The following TRPC4 variants were observed in gnomAD, a reference collection of about 807,000 sequenced individuals.
TRPC4 encodes the protein short transient receptor potential channel 4.
In TRPC4, 49 loss-of-function variants were observed where a neutral mutation model predicts 99.4. That is an observed-to-expected ratio of 0.49 (90% CI 0.39 to 0.63). The LOEUF is 0.63. Ranked by LOEUF, TRPC4 falls within the 20% of genes least tolerant of loss-of-function variation. The pLI is 0.00. For missense variants in TRPC4, 898 were observed against 1,152.9 expected, an observed-to-expected ratio of 0.78 and a Z score of 3.20; for synonymous variants, 454 against 425.9, an observed-to-expected ratio of 1.07 and a Z score of -0.81.
chr13:37,725,640 TA>T (rs1346451465), intron 3 of TRPC4, among the ~76,000 whole-genome samples: 1 of 152,040 alleles, frequency 6.6e-6, no homozygotes, highest in African/African-American at 2.4e-5. Context: ...GGAGCTGAAA[TA>T]AAAAACTCAA....
At chr13:37,817,678 C>T (rs528492753) in intron 1 of TRPC4, among the ~76,000 whole-genome samples, 97 of 151,626 alleles carry the variant, frequency 6.4e-4, no homozygotes, top group Non-Finnish European at 1.1e-3. Context: ...AGTACTGCTA[C>T]AAAAGCAGAC....
chr13:37,827,926 T>G (rs1332838838), intron 1 of TRPC4, among the ~76,000 whole-genome samples: 2 of 152,298 alleles, frequency 1.3e-5, no homozygotes, highest in Middle Eastern at 3.4e-3. Context: ...TCAGCGAGAC[T>G]CCATGGGCGT....
intron 3 of TRPC4, among the ~76,000 whole-genome samples, chr13:37,742,335 G>T (rs1177794197): frequency 6.6e-6 from 1 of 152,066 alleles, no homozygotes; most frequent in African/African-American, 2.4e-5. Flanking sequence ...CCCAAATAGT[G>T]CAATTTATTC....
At chr13:37,837,814 G>C (rs1328790733) in intron 1 of TRPC4, among the ~76,000 whole-genome samples, 1 of 152,128 alleles carries the variant, frequency 6.6e-6, no homozygotes, top group Non-Finnish European at 1.5e-5. Context: ...AGCCAGGGGT[G>C]GCATGATATG....
intron 1 of TRPC4, among the ~76,000 whole-genome samples, chr13:37,809,655 T>C (rs17206858): frequency 1.7e-3 from 255 of 152,120 alleles, no homozygotes; most frequent in Non-Finnish European, 3.0e-3. Context: ...AGAACCTCAT[T>C]AAAAGATTAA....
Position 37,716,432 on chromosome 13 carries a change from A to G in TRPC4, c.898-24097T>C, listed in dbSNP as rs183218005. Reference sequence around the variant, plus strand: ...ATTTCATACCAACTGTTCATTAGCAAAGGTTTCTTTACCATACATTTGCCA... The same window carrying G: ...ATTTCATACCAACTGTTCATTAGCAGAGGTTTCTTTACCATACATTTGCCA... On this transcript the variant is annotated intron_variant, in intron 3 of 10. Coordinates refer to ENST00000379705, the MANE Select transcript of TRPC4 (RefSeq NM_016179.4). Among the ~76,000 whole-genome samples the G allele has an allele frequency of 4.9e-4, 74 of 152,294 alleles. 1 individual carries two copies. The highest frequency in any genetic ancestry group is 4.0e-3 in the Admixed American group (61 of 15,286).
intron 3 of TRPC4, among the ~76,000 whole-genome samples, chr13:37,741,482 T>C (rs1313595130): frequency 6.6e-6 from 1 of 152,180 alleles, no homozygotes; most frequent in East Asian, 1.9e-4. Context: ...ATTTAGATGA[T>C]TGGCATCGGG....
At chr13:37,832,466 G>A (rs958823169) in intron 1 of TRPC4, among the ~76,000 whole-genome samples, 1 of 152,098 alleles carries the variant, frequency 6.6e-6, no homozygotes, top group African/African-American at 2.4e-5. Flanking sequence ...TTGAACCCGG[G>A]AGACAGAGGT....
intron 3 of TRPC4, among the ~76,000 whole-genome samples, chr13:37,745,516 A>ACG (rs1955742547): frequency 8.6e-6 from 1 of 116,744 alleles, no homozygotes. Context: ...ATGTATATAT[A>ACG]TACGTATATA....
At chr13:37,731,889 T>C (rs907993350) in intron 3 of TRPC4, among the ~76,000 whole-genome samples, 5 of 152,110 alleles carry the variant, frequency 3.3e-5, no homozygotes, top group South Asian at 4.1e-4. Flanking sequence ...TTTACCTTCA[T>C]TGTATGCATA....
intron 1 of TRPC4, among the ~76,000 whole-genome samples, chr13:37,800,143 A>G (rs1369689804): frequency 6.6e-6 from 1 of 152,206 alleles, no homozygotes; most frequent in Non-Finnish European, 1.5e-5. Context: ...ATGAATGTAA[A>G]CTGGCACATA....
chr13:37,819,935 A>T (rs891600721), intron 1 of TRPC4, among the ~76,000 whole-genome samples: 5 of 152,026 alleles, frequency 3.3e-5, no homozygotes, highest in Non-Finnish European at 5.9e-5. Flanking sequence ...AAGGCAATAA[A>T]CAACCAAAAT....
In TRPC4 at chr13:37,759,805, C is replaced by T. The variant is rs76874431; in HGVS notation, c.379-13350G>A. On this transcript the variant is annotated intron_variant, in intron 2 of 10. Coordinates refer to ENST00000379705, the MANE Select transcript of TRPC4 (RefSeq NM_016179.4). ...GAGTATGCAGTATTTATACAAATTT[C>T]GAGAAGTCTTACCTCAGGAAATGCT... is the stretch of plus-strand genomic sequence containing the variant. 6.2e-3 allele frequency among the ~76,000 whole-genome samples: 938 copies of T among 151,908 alleles called. 9 individuals are homozygous for T. The highest frequency in any genetic ancestry group is 0.022 in the African/African-American group (895 of 41,500).
chr13:37,740,129 T>G (rs959684679), intron 3 of TRPC4, among the ~76,000 whole-genome samples: 8 of 152,120 alleles, frequency 5.3e-5, no homozygotes, highest in African/African-American at 1.9e-4. Flanking sequence ...ACAGCAAGGA[T>G]GCAACATTAT....
At chr13:37,814,630 T>G (rs986122637) in intron 1 of TRPC4, among the ~76,000 whole-genome samples, 1 of 151,856 alleles carries the variant, frequency 6.6e-6, no homozygotes, top group East Asian at 1.9e-4. Flanking sequence ...TTCTTTCACT[T>G]GTAGTGAATG....
intron 10 of TRPC4, among the ~76,000 whole-genome samples, chr13:37,637,928 C>A (rs1951585571): frequency 6.6e-6 from 1 of 152,160 alleles, no homozygotes; most frequent in Non-Finnish European, 1.5e-5. Context: ...ACTACAGTTT[C>A]TCTCCAAATT....
chr13:37,811,456 G>A (rs1198951362), intron 1 of TRPC4, among the ~76,000 whole-genome samples: 2 of 152,082 alleles, frequency 1.3e-5, no homozygotes, highest in Non-Finnish European at 2.9e-5. Context: ...TGTGATACAG[G>A]GAGGGAAAAT....
intron 4 of TRPC4, among the ~76,000 whole-genome samples, chr13:37,691,035 T>G (rs980509619): frequency 1.3e-5 from 2 of 152,190 alleles, no homozygotes; most frequent in Non-Finnish European, 2.9e-5. Context: ...ATAATTAAAA[T>G]GCAAATTTTA....
At chr13:37,847,946 G>A (rs760858251) in intron 1 of TRPC4, among the ~76,000 whole-genome samples, 5 of 152,002 alleles carry the variant, frequency 3.3e-5, no homozygotes, top group Admixed American at 2.0e-4. Flanking sequence ...AGGAGATAAG[G>A]TTTTGGGATC....
Sources: gnomAD v4.1 joint callset for allele counts (sites outside exome capture counted in the v4.1 genomes callset) on GRCh38, gnomAD v4.1.1 for gene constraint, MANE v1.5 for transcripts, NCBI Gene and HGNC (gene_info 2026-07-23, HGNC 2026-07-21) for gene names.